NFIB: variants seen among roughly 807,000 people sequenced by gnomAD.
NFIB encodes the protein nuclear factor 1 B-type.
A neutral mutation model predicts 61.5 loss-of-function variants in NFIB; 11 were observed. That is an observed-to-expected ratio of 0.18 (90% CI 0.11 to 0.30). NFIB has a LOEUF of 0.30. Ranked by LOEUF, NFIB falls within the 10% of genes least tolerant of loss-of-function variation. The pLI, the probability that NFIB is intolerant of heterozygous loss-of-function variation, is 1.00. For synonymous variants in NFIB, 260 were observed against 216.5 expected (o/e 1.20, Z -1.76); for missense variants, 471 against 608.9 (o/e 0.77, Z 2.38).
the NFIB span, among the ~76,000 whole-genome samples, chr9:14,481,411 A>G: frequency 6.7e-6 from 1 of 149,910 alleles, no homozygotes; most frequent in African/African-American, 2.5e-5. Context: ...TCCTGGGATT[A>G]TCTCCCAAAA....
chr9:14,277,486 G>A (rs913949494), intron 2 of NFIB, among the ~76,000 whole-genome samples: 1 of 152,178 alleles, frequency 6.6e-6, no homozygotes, highest in African/African-American at 2.4e-5. Flanking sequence ...TTAGACAGAC[G>A]CACAAGCATG....
intron 2 of NFIB, among the ~76,000 whole-genome samples, chr9:14,187,730 C>T (rs1481789975): frequency 1.3e-5 from 2 of 151,966 alleles, no homozygotes; most frequent in Non-Finnish European, 2.9e-5. Flanking sequence ...AATTTGTCCA[C>T]AGGGAATTAA....
the NFIB span, among the ~76,000 whole-genome samples, chr9:14,501,751 G>C: frequency 6.6e-6 from 1 of 152,232 alleles, no homozygotes; most frequent in Non-Finnish European, 1.5e-5. Context: ...GAGAGCATCA[G>C]AGGGAAAGAG....
At chr9:14,476,425 G>C in the NFIB span, among the ~76,000 whole-genome samples, 4 of 152,102 alleles carry the variant, frequency 2.6e-5, no homozygotes, top group Admixed American at 6.5e-5. Flanking sequence ...ACAGTGATGT[G>C]AGCCAGATCA....
At chr9:14,182,730 G>C (rs1306297389) in intron 2 of NFIB, among the ~76,000 whole-genome samples, 29 of 149,954 alleles carry the variant, frequency 1.9e-4, no homozygotes, top group South Asian at 6.4e-4. Flanking sequence ...GTGTGTGTGT[G>C]TGTGTGTGTG....
At chr9:14,444,312 T>C in the NFIB span, among the ~76,000 whole-genome samples, 2 of 150,656 alleles carry the variant, frequency 1.3e-5, no homozygotes, top group Non-Finnish European at 3.0e-5. Flanking sequence ...TTTAGAAGAG[T>C]ATTCAGAAAT....
intron 1 of NFIB, among the ~76,000 whole-genome samples, chr9:14,380,853 C>A (rs187342615): frequency 5.3e-5 from 8 of 152,110 alleles, no homozygotes; most frequent in Admixed American, 5.2e-4. Flanking sequence ...AGCAGGGATT[C>A]GAACTAAAGG....
At chr9:14,371,061 C>T (rs1032648758) in intron 1 of NFIB, among the ~76,000 whole-genome samples, 3 of 152,212 alleles carry the variant, frequency 2.0e-5, no homozygotes, top group African/African-American at 7.2e-5. Context: ...TGCCACTGCA[C>T]TCCAGCCTGG....
chr9:14,211,925 A>T (rs1371581086), intron 2 of NFIB, among the ~76,000 whole-genome samples: 1 of 152,280 alleles, frequency 6.6e-6, no homozygotes, highest in Non-Finnish European at 1.5e-5. Context: ...TTAAAGAATG[A>T]TCTCTCCACT....
At chr9:14,348,959 C>T (rs1475498373) in intron 1 of NFIB, among the ~76,000 whole-genome samples, 1 of 152,234 alleles carries the variant, frequency 6.6e-6, no homozygotes, top group Non-Finnish European at 1.5e-5. Context: ...ACCTTGCGCT[C>T]CAACACCCGG....
chr9:14,452,808 C>A, the NFIB span, among the ~76,000 whole-genome samples: 140 of 152,148 alleles, frequency 9.2e-4, 2 homozygotes, highest in East Asian at 0.026. Context: ...CTGCTGATGA[C>A]AGGATTACAT....
Position 14,084,246 on chromosome 9 carries a change from T to C in NFIB, c.*4063A>G, listed in dbSNP as rs1034024932. The C allele has an allele frequency of 2.0e-5, 4 of 200,172 alleles. No homozygotes were observed. Among genetic ancestry groups the C allele is most frequent in the African/African-American group, 9.2e-5 (4 of 43,460 alleles). The allele number at this position is 200,172 out of a possible 1,614,324, so 12.4% of individuals were successfully genotyped here. A position where few individuals can be genotyped will look rare whatever the true frequency, so the allele number is the denominator to read the frequency against. On this transcript the variant is annotated 3_prime_UTR_variant, in exon 11 of 11. Coordinates refer to ENST00000380953, the MANE Select transcript of NFIB (RefSeq NM_001190737.2). ...CTTTAAAAATGGAAACAACATATAG[T>C]TCCATTATAATTGTTAAAAAGTTAG...
chr9:14,119,184 G>C lies in NFIB; in HGVS notation c.1245+1256C>G, dbSNP rs145700750. Among the ~76,000 whole-genome samples the C allele has an allele frequency of 1.7e-3, 256 of 152,232 alleles. 2 individuals carry two copies. The highest frequency in any genetic ancestry group is 5.9e-3 in the African/African-American group (245 of 41,546). On this transcript the variant is annotated intron_variant, in intron 8 of 10. Transcript: ENST00000380953. ...CTAGCAAAATGCTCTATGGAACTGA[G>C]ACTTCTGAATCCATGAGCTGACAAC...
chr9:14,437,099 G>A, the NFIB span, among the ~76,000 whole-genome samples: 1 of 152,200 alleles, frequency 6.6e-6, no homozygotes, highest in Non-Finnish European at 1.5e-5. Flanking sequence ...CTAGTCACTT[G>A]ACCTCTCTGT....
the NFIB span, among the ~76,000 whole-genome samples, chr9:14,406,451 T>C: frequency 1.3e-5 from 2 of 152,190 alleles, no homozygotes; most frequent in African/African-American, 4.8e-5. Flanking sequence ...ATGGGGAAGA[T>C]GGCATCCCTA....
intron 1 of NFIB, among the ~76,000 whole-genome samples, chr9:14,367,042 C>T (rs1186630020): frequency 1.3e-5 from 2 of 152,164 alleles, no homozygotes; most frequent in African/African-American, 4.8e-5. Flanking sequence ...ACAAATTATA[C>T]TCCTGTAAGA....
At chr9:14,282,605 G>A (rs572347070) in intron 2 of NFIB, among the ~76,000 whole-genome samples, 26 of 152,242 alleles carry the variant, frequency 1.7e-4, no homozygotes, top group Non-Finnish European at 2.8e-4. Context: ...ATCTATTTGC[G>A]TATTTCTTCA....
At chr9:14,300,153 C>G in intron 2 of NFIB, 1 of 398,428 alleles carries the variant, frequency 2.5e-6, no homozygotes, top group Non-Finnish European at 4.4e-6. Context: ...AGTTCAAGGT[C>G]CCAAGAATTT....
chr9:14,398,708 G>A (rs781552104), exon 1 of NFIB: 4 of 1,040,996 alleles, frequency 3.8e-6, no homozygotes, highest in Non-Finnish European at 5.5e-6. Context: ...GTTTGCTCCA[G>A]GTCACCGAGT....
Sources: allele counts gnomAD v4.1 joint callset (sites outside exome capture counted in the v4.1 genomes callset), GRCh38; gene constraint gnomAD v4.1.1; transcripts MANE v1.5; gene names NCBI Gene and HGNC (gene_info 2026-07-23, HGNC 2026-07-21).